KANSL1L: variants seen among roughly 807,000 people sequenced by gnomAD.
KANSL1L encodes KAT8 regulatory NSL complex subunit 1-like protein.
KANSL1L carries 25 observed loss-of-function variants against 108.6 expected under a neutral mutation model. That is an observed-to-expected ratio of 0.23 (90% CI 0.17 to 0.32). KANSL1L has a LOEUF of 0.32. Ranked by LOEUF, KANSL1L falls within the 10% of genes least tolerant of loss-of-function variation. KANSL1L has a pLI of 1.00. For synonymous variants in KANSL1L, 405 were observed against 395.1 expected (o/e 1.03, Z -0.30); for missense variants, 1,137 against 1,125.7 (o/e 1.01, Z -0.14).
At position 210,025,158 on chromosome 2, in the gene KANSL1L, T is replaced by G. The variant is rs1255837480; in HGVS notation, c.2510A>C (p.Glu837Ala). 5 of 1,613,280 alleles carry G rather than the reference T, an allele frequency of 3.1e-6. No homozygotes were observed. In the African/African-American group the frequency reaches 5.3e-5, roughly 17 times the overall value. ...CTCCCATAGTGACCACCTGGCTTGC[T>G]CTCTCTCTTCATATTTTTTGTGCCT... ...SLRHKKYEEREQARWSLWEQS... is the reference protein window; with the variant it reads ...SLRHKKYEERAQARWSLWEQS... The change falls in exon 13 of 15, where the codon GAG becomes GCG. Residue 837 changes from glutamate (E) to alanine (A), a missense_variant. By Grantham distance (107) the Glu-to-Ala change is moderately radical. Around this residue, in one of 3 missense-constraint regions of KANSL1L, gnomAD observed 575 missense variants for 567.1 expected, o/e 1.01. Transcript: ENST00000281772.
intron 6 of KANSL1L, among the ~76,000 whole-genome samples, chr2:210,056,905 C>T (rs1329706789): frequency 6.6e-6 from 1 of 152,182 alleles, no homozygotes; most frequent in Non-Finnish European, 1.5e-5. Context: ...CCCTGTGTCC[C>T]AAAGCAGACG....
chr2:210,087,968 G>A (rs149561631), intron 5 of KANSL1L, among the ~76,000 whole-genome samples: 1 of 152,178 alleles, frequency 6.6e-6, no homozygotes, highest in Non-Finnish European at 1.5e-5. Context: ...GATCATTTAG[G>A]TGGTGTCATT....
rs150590378 is a variant in KANSL1L, at chr2:210,075,635, T to G, written c.1672A>C (p.Thr558Pro). The G allele has an allele frequency of 2.5e-6, 4 of 1,614,004 alleles. No homozygotes were observed. The highest frequency in any genetic ancestry group is 3.4e-6 in the Non-Finnish European group (4 of 1,179,896). ...TGAAGTGGCCTTGTTCGGGCTGATGTACTCATGAAAGTCAAGGATGAAGAT... is the reference window on the plus strand; with the variant it reads ...TGAAGTGGCCTTGTTCGGGCTGATGGACTCATGAAAGTCAAGGATGAAGAT... ...LKSSSLTFMS[T>P]SARTRPLQSF... Residue 558 changes from threonine to proline, a missense_variant, in exon 6 of 15, where the codon ACA becomes CCA. By Grantham distance (38) the Thr-to-Pro change is conservative (BLOSUM62 -1). Around this residue, in one of 3 missense-constraint regions of KANSL1L, gnomAD observed 575 missense variants for 567.1 expected, o/e 1.01. Transcript: ENST00000281772.
At chr2:210,162,816 A>T (rs1419940197) in intron 1 of KANSL1L, among the ~76,000 whole-genome samples, 1 of 152,166 alleles carries the variant, frequency 6.6e-6, no homozygotes, top group East Asian at 1.9e-4. Context: ...TCAAATGCTA[A>T]ACAGGTCAAG....
At chr2:210,109,448 G>A (rs761708820) in intron 3 of KANSL1L, among the ~76,000 whole-genome samples, 5 of 152,006 alleles carry the variant, frequency 3.3e-5, no homozygotes, top group Non-Finnish European at 1.5e-5. Context: ...GATGTCTACA[G>A]TATGACCATA....
At chr2:210,094,792 AC>A (rs1188906531) in intron 5 of KANSL1L, among the ~76,000 whole-genome samples, 1 of 151,986 alleles carries the variant, frequency 6.6e-6, no homozygotes, top group African/African-American at 2.4e-5. Context: ...TTAATTAAGT[AC>A]TTTTCATTAT....
chr2:210,165,229 G>A (rs1687870642), intron 1 of KANSL1L, among the ~76,000 whole-genome samples: 1 of 150,862 alleles, frequency 6.6e-6, no homozygotes, highest in African/African-American at 2.4e-5. Context: ...CACATCAGCA[G>A]CCCAGAAATG....
intron 5 of KANSL1L, among the ~76,000 whole-genome samples, chr2:210,095,970 C>T (rs1403867791): frequency 6.6e-6 from 1 of 152,106 alleles, no homozygotes; most frequent in Non-Finnish European, 1.5e-5. Flanking sequence ...AATTAAAACA[C>T]GTATCAGCAC....
At chr2:210,068,525 G>A (rs1410793553) in intron 6 of KANSL1L, among the ~76,000 whole-genome samples, 1 of 152,092 alleles carries the variant, frequency 6.6e-6, no homozygotes, top group Non-Finnish European at 1.5e-5. Context: ...CAGCCACCCC[G>A]AGGACATGAA....
Position 210,079,590 on chromosome 2 carries a change from CA to C in KANSL1L, c.1551-3835del, listed in dbSNP as rs1250273844. Among the ~76,000 whole-genome samples, 285 of 46,034 alleles carry C rather than the reference CA, an allele frequency of 6.2e-3. 4 individuals are homozygous for C. Among genetic ancestry groups the C allele is most frequent in the African/African-American group, 0.016 (246 of 15,468 alleles). 30.2% of individuals were successfully genotyped at this position (46,034 alleles called of 152,430 possible). On this transcript the variant is annotated intron_variant, in intron 5 of 14. Transcript: ENST00000281772. ...TGGGCAACAGAGTGAGACTCTGTCT[CA>C]AAAAAAAAAAATATGTATGTGTATA...
Position 210,023,197 on chromosome 2 carries a change from T to G in KANSL1L, c.2734-18A>C. 1 of 1,582,626 alleles carries G rather than the reference T, an allele frequency of 6.3e-7. No individual in the cohort carries two copies. Among genetic ancestry groups the G allele is most frequent in the Non-Finnish European group, 8.7e-7 (1 of 1,151,916 alleles). On this transcript the variant is annotated intron_variant, in intron 14 of 14. Transcript: ENST00000281772. ...CACAAAGACTGAAAGGGGAAAAATT[T>G]TCAGTTAAGTTTCAACTAACTTGTT...
chr2:210,034,224 G>A (rs753503197), intron 8 of KANSL1L, among the ~76,000 whole-genome samples: 3 of 152,204 alleles, frequency 2.0e-5, no homozygotes, highest in Non-Finnish European at 4.4e-5. Flanking sequence ...GAATGCAATT[G>A]TAATGTGATA....
At position 210,044,098 on chromosome 2, in the gene KANSL1L, G is replaced by C; in HGVS notation, c.1762C>G (p.Pro588Ala). ...PTFYWTPQTL[P>A]SKETAFLNTT... Reference sequence around the variant, plus strand: ...TTTAAAAATGCTGTTTCTTTTGAAGGCAAAGTCTGCAAGGAAAAACCGTAT... The same window carrying C: ...TTTAAAAATGCTGTTTCTTTTGAAGCCAAAGTCTGCAAGGAAAAACCGTAT... The change falls in exon 7 of 15, where the codon CCT (proline) becomes GCT (alanine). Residue 588 changes from proline (P) to alanine (A), a missense_variant. Pro to Ala is a conservative substitution (Grantham distance 27). Coordinates refer to ENST00000281772, the MANE Select transcript of KANSL1L (RefSeq NM_152519.4). The surrounding 1 kb of genome is among the most constrained non-coding windows in gnomAD (Gnocchi z 4.2). 1.3e-6 allele frequency: 2 copies of C among 1,575,876 alleles called. No homozygotes were observed. Among genetic ancestry groups the C allele is most frequent in the Non-Finnish European group, 1.7e-6 (2 of 1,161,608 alleles).
At chr2:210,081,837 C>T (rs945042885) in intron 5 of KANSL1L, among the ~76,000 whole-genome samples, 1 of 152,156 alleles carries the variant, frequency 6.6e-6, no homozygotes, top group African/African-American at 2.4e-5. Flanking sequence ...CAAAGAAGCT[C>T]TATTAAATAG....
intron 1 of KANSL1L, among the ~76,000 whole-genome samples, chr2:210,160,317 G>GT (rs1483468804): frequency 1.3e-5 from 2 of 151,886 alleles, no homozygotes; most frequent in African/African-American, 4.8e-5. Flanking sequence ...ACTCAATGTT[G>GT]TACTGGAGGA....
At chr2:210,058,404 CTGGTCCTG>C (rs1311399737) in intron 6 of KANSL1L, among the ~76,000 whole-genome samples, 2 of 152,284 alleles carry the variant, frequency 1.3e-5, no homozygotes, top group South Asian at 2.1e-4. Flanking sequence ...TAATTTCACC[CTGGTCCTG>C]TGGTCCTGTG....
intron 4 of KANSL1L, among the ~76,000 whole-genome samples, chr2:210,101,046 C>T (rs1279674424): frequency 6.6e-6 from 1 of 152,220 alleles, no homozygotes; most frequent in Non-Finnish European, 1.5e-5. Context: ...TTAACAACCT[C>T]TACAAGTAAT....
intron 13 of KANSL1L, 50 bp from the exon 14 acceptor site, chr2:210,024,251 T>TG: frequency 7.1e-7 from 1 of 1,405,626 alleles, no homozygotes; most frequent in Non-Finnish European, 9.6e-7. Flanking sequence ...TTTGAGGTCT[T>TG]GAAAATTTAT....
chr2:210,080,145 GCACACACACACACACA>G (rs79443997), intron 5 of KANSL1L: 1 of 146,132 alleles, frequency 6.8e-6, no homozygotes, highest in Admixed American at 6.9e-5. Context: ...ACACACGCGT[GCACACACACACACACA>G]CACACACACA....
Sources: allele counts gnomAD v4.1 joint callset (sites outside exome capture counted in the v4.1 genomes callset), GRCh38; gene constraint gnomAD v4.1.1; regional missense constraint gnomAD v4.1.1; non-coding constraint Gnocchi (gnomAD v3.1); transcripts MANE v1.5; gene names NCBI Gene and HGNC (gene_info 2026-07-23, HGNC 2026-07-21).